The following TULP4 variants were observed in gnomAD, a reference collection of about 807,000 sequenced individuals.
TULP4 encodes the protein tubby-related protein 4.
In TULP4, 16 loss-of-function variants were observed where a neutral mutation model predicts 129.0. The observed-to-expected ratio is 0.12, with a 90% confidence interval of 0.08 to 0.19. TULP4 has a LOEUF of 0.19. Among genes scored for constraint, TULP4 ranks in the 10% least tolerant of loss-of-function variants. The pLI is 1.00. For synonymous variants in TULP4, 998 were observed against 854.0 expected, an observed-to-expected ratio of 1.17 and a Z score of -2.94; for missense variants, 1,842 against 2,059.1, an observed-to-expected ratio of 0.89 and a Z score of 2.04.
chr6:158,357,507 A>G (rs532658148), intron 1 of TULP4, among the ~76,000 whole-genome samples: 2 of 152,366 alleles, frequency 1.3e-5, no homozygotes, highest in Admixed American at 1.3e-4. Context: ...AAAAATGACT[A>G]TAGTAAGCCA....
intron 1 of TULP4, among the ~76,000 whole-genome samples, chr6:158,262,265 C>T (rs1045315107): frequency 2.0e-5 from 3 of 152,290 alleles, no homozygotes; most frequent in Admixed American, 1.3e-4. Context: ...TCTGCAAGCT[C>T]CTTTGTAGGT....
chr6:158,335,613 G>C (rs1242130927), intron 1 of TULP4, among the ~76,000 whole-genome samples: 1 of 151,992 alleles, frequency 6.6e-6, no homozygotes, highest in Non-Finnish European at 1.5e-5. Context: ...GATTTATTTT[G>C]TTCCTTCTGT....
intron 1 of TULP4, among the ~76,000 whole-genome samples, chr6:158,362,839 G>GCCGAGACAGGTGGA (rs11269628): frequency 4.3e-4 from 65 of 151,778 alleles, no homozygotes; most frequent in African/African-American, 1.5e-3. Flanking sequence ...ACTTTGGGAG[G>GCCGAGACAGGTGGA]TCAGGAGGTC....
At chr6:158,481,311 C>T (rs117199048) in intron 8 of TULP4, 22 bp downstream of exon 8, 32,886 of 1,599,158 alleles carry the variant, frequency 0.021, 351 homozygotes, top group Middle Eastern at 0.03. Flanking sequence ...ACCCGAGGGA[C>T]TGGGACCTTG....
At chr6:158,361,171 T>G (rs1352967282) in intron 1 of TULP4, among the ~76,000 whole-genome samples, 1 of 152,238 alleles carries the variant, frequency 6.6e-6, no homozygotes, top group Non-Finnish European at 1.5e-5. Context: ...CTTGCAACAG[T>G]GTACTTCCAT....
rs148375382 is a variant in TULP4, at chr6:158,493,477, G to A, written c.1632-96G>A. ...TGCAGGGTGAGAACCCAACACCCAG[G>A]CTGGCTGTCCAGAAAAAGAAAGGAC... On this transcript the variant is annotated intron_variant, in intron 9 of 13. Transcript: ENST00000367097. This position sits in a 1 kb window ranked among gnomAD's most constrained non-coding sequence, Gnocchi z 4.4. 2.2e-4 allele frequency: 287 copies of A among 1,303,670 alleles called. No individual in the cohort carries two copies. Among genetic ancestry groups the A allele is most frequent in the Middle Eastern group, 2.9e-4 (1 of 3,442 alleles). 80.8% of individuals were successfully genotyped at this position (1,303,670 alleles called of 1,614,324 possible).
At chr6:158,498,194 C>A (rs1230672284) in intron 11 of TULP4, among the ~76,000 whole-genome samples, 1 of 152,210 alleles carries the variant, frequency 6.6e-6, no homozygotes, top group Non-Finnish European at 1.5e-5. Flanking sequence ...TTTATTCCTA[C>A]ATGAAACCAT....
rs1187015560 is a variant in TULP4, at chr6:158,493,642, G to T, written c.1701G>T (p.Arg567=). The T allele has an allele frequency of 1.3e-6, 2 of 1,599,578 alleles. No individual in the cohort carries two copies. The highest frequency in any genetic ancestry group is 2.7e-5 in the African/African-American group (2 of 74,008). Residue 567 remains arginine (R), a synonymous_variant, in exon 10 of 14, where the codon CGG becomes CGT. Coordinates refer to ENST00000367097, the MANE Select transcript of TULP4 (RefSeq NM_020245.5). This position sits in a 1 kb window ranked among gnomAD's most constrained non-coding sequence, Gnocchi z 4.4. Reference sequence around the variant, plus strand: ...CTCAGGAGCTCTCCCGGTCCCCACGGTTGCCCCTGCGCAAGCCCTCTGTGG... The same window carrying T: ...CTCAGGAGCTCTCCCGGTCCCCACGTTTGCCCCTGCGCAAGCCCTCTGTGG... ...RAAQELSRSP[R]LPLRKPSVGS...
chr6:158,249,516 G>T (rs1778097762), intron 1 of TULP4, among the ~76,000 whole-genome samples: 2 of 152,170 alleles, frequency 1.3e-5, no homozygotes, highest in Non-Finnish European at 2.9e-5. Flanking sequence ...GGTAGTGTAG[G>T]ATTGGGATGC....
intron 1 of TULP4, among the ~76,000 whole-genome samples, chr6:158,269,668 AT>A (rs1398727139): frequency 6.6e-6 from 1 of 152,210 alleles, no homozygotes; most frequent in Non-Finnish European, 1.5e-5. Flanking sequence ...TTTATTCCAG[AT>A]TTTAAACATT....
chr6:158,392,790 A>ATTTTTTTTTTTTTT (rs1554286987), intron 1 of TULP4, among the ~76,000 whole-genome samples: 2 of 38,624 alleles, frequency 5.2e-5, no homozygotes, highest in African/African-American at 1.0e-4. Context: ...TTAAATTTGT[A>ATTTTTTTTTTTTTT]TTTCTTTTTT....
chr6:158,410,039 A>G (rs1778058986), intron 1 of TULP4, among the ~76,000 whole-genome samples: 1 of 152,114 alleles, frequency 6.6e-6, no homozygotes. Context: ...TATTTTTAGT[A>G]GAGACGGGGT....
intron 2 of TULP4, among the ~76,000 whole-genome samples, chr6:158,422,964 A>AT (rs1315933137): frequency 2.0e-5 from 3 of 152,240 alleles, no homozygotes; most frequent in Non-Finnish European, 4.4e-5. Context: ...AATGGTCTGC[A>AT]TTTGCATATC....
chr6:158,492,993 A>G (rs1243057652), intron 9 of TULP4, among the ~76,000 whole-genome samples: 1 of 152,250 alleles, frequency 6.6e-6, no homozygotes, highest in Non-Finnish European at 1.5e-5. Flanking sequence ...ACACTGTTGC[A>G]GAAGAAATTA....
chr6:158,494,742 T>C lies in TULP4; in HGVS notation c.1777-11T>C. The stretch of plus-strand genomic sequence containing the variant: ...TTGTGATTCTTCTTTTTTCTTTTCT[T>C]CCTACCGCAGCACAACTATCTTGCT... On this transcript the variant is annotated splice_polypyrimidine_tract_variant and intron_variant, in intron 10 of 13. Transcript: ENST00000367097. The C allele has an allele frequency of 6.2e-7, 1 of 1,607,828 alleles. No homozygotes were observed. The highest frequency in any genetic ancestry group is 8.5e-7 in the Non-Finnish European group (1 of 1,176,226).
At chr6:158,457,384 T>C (rs1323433825) in intron 5 of TULP4, among the ~76,000 whole-genome samples, 1 of 152,188 alleles carries the variant, frequency 6.6e-6, no homozygotes, top group East Asian at 1.9e-4. Context: ...TGCAGATGTG[T>C]CTGTGGGCTC....
rs137970877 is a variant in TULP4 at position 158,405,687 on chromosome 6, C to T, written c.253-7378C>T. Among the ~76,000 whole-genome samples the T allele has an allele frequency of 3.7e-3, 561 of 152,206 alleles. 3 individuals carry two copies. Among genetic ancestry groups the T allele is most frequent in the African/African-American group, 0.013 (528 of 41,518 alleles). On this transcript the variant is annotated intron_variant, in intron 1 of 13. Transcript: ENST00000367097. ...CCAAGCCACAAGGGGTTTTTATGCC[C>T]TGGGCTGAGATTATGGTGCGTCAGG...
At position 158,502,025 on chromosome 6, in the gene TULP4, G is replaced by C. The variant is rs750807378; in HGVS notation, c.2362G>C (p.Val788Leu). Residue 788 changes from valine (V) to leucine (L), a missense_variant, in exon 13 of 14, where the codon GTG (valine) becomes CTG (leucine). By Grantham distance (32) the Val-to-Leu change is conservative (BLOSUM62 1). This residue lies in a region of TULP4 where 1,089 missense variants were observed against 987.1 expected (regional missense o/e 1.10). Coordinates refer to ENST00000367097, the MANE Select transcript of TULP4 (RefSeq NM_020245.5). The part of the protein sequence containing the change: ...PPQGPMQLST[V>L]GHGDRDHEHL... ...GCAGGGGCCCATGCAGCTGTCCACG[G>C]TGGGCCATGGAGACCGAGACCACGA... The C allele has an allele frequency of 2.5e-6, 4 of 1,613,640 alleles. No individual in the cohort carries two copies.
chr6:158,284,351 A>G (rs111369475), intron 1 of TULP4, among the ~76,000 whole-genome samples: 5,672 of 152,312 alleles, frequency 0.037, 147 homozygotes, highest in Middle Eastern at 0.075. Context: ...AAGCTGAGAA[A>G]CGAATCTAAA....
Sources: allele counts gnomAD v4.1 joint callset (sites outside exome capture counted in the v4.1 genomes callset), GRCh38; gene constraint gnomAD v4.1.1; regional missense constraint gnomAD v4.1.1; non-coding constraint Gnocchi (gnomAD v3.1); transcripts MANE v1.5; gene names NCBI Gene and HGNC (gene_info 2026-07-23, HGNC 2026-07-21).